Variants in BCL9 observed in about 807,000 individuals in gnomAD.
The protein encoded by BCL9 is BCL9 transcription coactivator, also known as B-cell CLL/lymphoma 9 protein.
In BCL9, 25 loss-of-function variants were observed where a neutral mutation model predicts 88.5. The observed-to-expected ratio is 0.28, with a 90% CI of 0.21 to 0.39. The LOEUF is 0.39. BCL9 is among the 10% of genes least tolerant of loss of function. The pLI, the probability that BCL9 is intolerant of heterozygous loss-of-function variation, is 1.00. For missense variants in BCL9, 1,817 were observed against 1,877.8 expected, an observed-to-expected ratio of 0.97 and a Z score of 0.60; for synonymous variants, 711 against 673.3, an observed-to-expected ratio of 1.06 and a Z score of -0.87.
At chr1:147,596,563 G>T (rs1036578339) in intron 1 of BCL9, among the ~76,000 whole-genome samples, 7 of 125,934 alleles carry the variant, frequency 5.6e-5, no homozygotes, top group Non-Finnish European at 5.0e-5. Context: ...ACAGGCGCCG[G>T]CCACCACACC....
rs587750509 is a variant in BCL9 at position 147,563,277 on chromosome 1, C to T, written c.-478+21603C>T. Among the ~76,000 whole-genome samples the T allele has an allele frequency of 8.4e-4, 128 of 152,302 alleles. 1 individual carries two copies. The highest frequency in any genetic ancestry group is 9.2e-4 in the Admixed American group (14 of 15,296). Reference sequence around the variant, plus strand: ...TTGTTTACTTTGTTTATGTCGGCTCCTCTTCACCAAAAGTAAGCCCCTAGA... The same window carrying T: ...TTGTTTACTTTGTTTATGTCGGCTCTTCTTCACCAAAAGTAAGCCCCTAGA... On this transcript the variant is annotated intron_variant, in intron 1 of 9. Transcript: ENST00000234739.
intron 5 of BCL9, among the ~76,000 whole-genome samples, chr1:147,613,741 T>C (rs1553203180): frequency 6.6e-6 from 1 of 152,090 alleles, no homozygotes; most frequent in African/African-American, 2.4e-5. Context: ...CTACCAGATG[T>C]GTAGAGATTT....
intron 1 of BCL9, among the ~76,000 whole-genome samples, chr1:147,591,860 T>C (rs1553199952): frequency 2.0e-5 from 3 of 152,184 alleles, no homozygotes; most frequent in Admixed American, 6.6e-5. Context: ...CTATGGTTTG[T>C]GCGGTGTCTG....
At chr1:147,588,031 T>C (rs587634192) in intron 1 of BCL9, among the ~76,000 whole-genome samples, 1 of 152,338 alleles carries the variant, frequency 6.6e-6, no homozygotes, top group East Asian at 1.9e-4. Flanking sequence ...AGAACGTTAA[T>C]TAAAAAGTCT....
chr1:147,621,628 G>A (rs1553205431), intron 8 of BCL9, among the ~76,000 whole-genome samples: 1 of 152,184 alleles, frequency 6.6e-6, no homozygotes, highest in East Asian at 1.9e-4. Flanking sequence ...TGGGACTAGA[G>A]GTGGTCAGTG....
chr1:147,561,537 G>A (rs1253969242), intron 1 of BCL9, among the ~76,000 whole-genome samples: 1 of 152,206 alleles, frequency 6.6e-6, no homozygotes, highest in African/African-American at 2.4e-5. Flanking sequence ...ATCTTATTGC[G>A]TGATGCAGCC....
chr1:147,549,294 C>G (rs1260970699), intron 1 of BCL9, among the ~76,000 whole-genome samples: 1 of 152,104 alleles, frequency 6.6e-6, no homozygotes, highest in African/African-American at 2.4e-5. Flanking sequence ...CTTTCTTATG[C>G]CCAGCTTTTT....
chr1:147,608,872 C>T (rs986353281), intron 3 of BCL9, among the ~76,000 whole-genome samples: 7 of 152,128 alleles, frequency 4.6e-5, no homozygotes, highest in Admixed American at 2.0e-4. Flanking sequence ...ACTTTGGGGC[C>T]GGAGTGGCCA....
At chr1:147,606,649 G>A (rs587771454) in intron 2 of BCL9, 135 bp from the exon 3 acceptor site, 4 of 152,282 alleles carry the variant, frequency 2.6e-5, no homozygotes, top group African/African-American at 9.6e-5. Context: ...TTTGTGTGGG[G>A]GATGACAGCT....
chr1:147,588,747 C>G (rs1656724994), intron 1 of BCL9, among the ~76,000 whole-genome samples: 1 of 152,174 alleles, frequency 6.6e-6, no homozygotes, highest in Non-Finnish European at 1.5e-5. Context: ...TAGGGGTGGT[C>G]CAGCATCATA....
At position 147,580,985 on chromosome 1, in the gene BCL9, TTGA is replaced by T. The variant is rs138437799; in HGVS notation, c.-477-23787_-477-23785del. On this transcript the variant is annotated intron_variant, in intron 1 of 9. Coordinates refer to ENST00000234739, the MANE Select transcript of BCL9 (RefSeq NM_004326.4). ...CCTGAAGCCTTGCATCCAGGTGTGTTTGATGATAACACTGGTGCTCCTCCCTGC... is the reference window on the plus strand; with the variant it reads ...CCTGAAGCCTTGCATCCAGGTGTGTTTGATAACACTGGTGCTCCTCCCTGC... Among the ~76,000 whole-genome samples the T allele has an allele frequency of 1.5e-3, 232 of 152,318 alleles. 3 individuals are homozygous for T. The East Asian group carries it at 0.04, about 26-fold the overall frequency.
chr1:147,577,834 A>ATGTATG (rs1656177832), intron 1 of BCL9, among the ~76,000 whole-genome samples: 1 of 141,072 alleles, frequency 7.1e-6, no homozygotes, highest in Non-Finnish European at 1.5e-5. Context: ...TTTTCTACCA[A>ATGTATG]TGTGTGTGTG....
chr1:147,614,088 T>C (rs1296105785), intron 5 of BCL9, among the ~76,000 whole-genome samples: 2 of 152,124 alleles, frequency 1.3e-5, no homozygotes, highest in African/African-American at 2.4e-5. Context: ...ACAGTTACAG[T>C]AAAATATGAT....
chr1:147,596,195 A>G (rs1657040528), intron 1 of BCL9, among the ~76,000 whole-genome samples: 1 of 152,172 alleles, frequency 6.6e-6, no homozygotes, highest in Non-Finnish European at 1.5e-5. Flanking sequence ...ATTGATTTCC[A>G]CCTAACGAAG....
At chr1:147,579,855 C>T (rs1656284150) in intron 1 of BCL9, among the ~76,000 whole-genome samples, 1 of 152,196 alleles carries the variant, frequency 6.6e-6, no homozygotes, top group Non-Finnish European at 1.5e-5. Flanking sequence ...AGGCAGCAAG[C>T]AGTCTACCCA....
At chr1:147,585,116 G>A (rs1462845793) in intron 1 of BCL9, among the ~76,000 whole-genome samples, 1 of 152,172 alleles carries the variant, frequency 6.6e-6, no homozygotes, top group African/African-American at 2.4e-5. Context: ...CCACAGAGGA[G>A]GGGAGTTATT....
chr1:147,570,467 A>G (rs1036170679), intron 1 of BCL9, among the ~76,000 whole-genome samples: 2 of 152,118 alleles, frequency 1.3e-5, no homozygotes, highest in Non-Finnish European at 2.9e-5. Flanking sequence ...AGCAGTTTCT[A>G]TGAAGCAGGG....
intron 7 of BCL9, 62 bp downstream of exon 7, chr1:147,615,964 AGGT>A: frequency 1.3e-6 from 2 of 1,492,434 alleles, no homozygotes; most frequent in South Asian, 2.3e-5. Context: ...AAAGGAAAGG[AGGT>A]GGTGAATTTA....
At chr1:147,576,808 G>C (rs2353544) in intron 1 of BCL9, among the ~76,000 whole-genome samples, 1 of 151,976 alleles carries the variant, frequency 6.6e-6, no homozygotes, top group South Asian at 2.1e-4. Flanking sequence ...CGCCTCCTCT[G>C]GTGACCTTAA....
Sources: allele counts gnomAD v4.1 joint callset (sites outside exome capture counted in the v4.1 genomes callset), GRCh38; gene constraint gnomAD v4.1.1; transcripts MANE v1.5; gene names NCBI Gene and HGNC (gene_info 2026-07-23, HGNC 2026-07-21).